TSHZ2: variants seen among roughly 807,000 people sequenced by gnomAD.
TSHZ2 encodes teashirt homolog 2.
A neutral mutation model predicts 74.4 loss-of-function variants in TSHZ2; 21 were observed. The observed-to-expected ratio is 0.28, with a 90% CI of 0.20 to 0.41. The LOEUF is 0.41. Ranked by LOEUF, TSHZ2 falls within the 10% of genes least tolerant of loss-of-function variation. The pLI is 1.00. For synonymous variants in TSHZ2, 540 were observed against 515.3 expected (o/e 1.05, Z -0.65); for missense variants, 1,244 against 1,293.5 (o/e 0.96, Z 0.59).
intron 1 of TSHZ2, among the ~76,000 whole-genome samples, chr20:52,998,233 A>G (rs1418300994): frequency 6.6e-6 from 1 of 152,000 alleles, no homozygotes; most frequent in East Asian, 1.9e-4. Flanking sequence ...CAATGGCGTG[A>G]TCTTGGCTCA....
At chr20:53,189,671 T>C (rs538464740) in intron 1 of TSHZ2, among the ~76,000 whole-genome samples, 1 of 152,326 alleles carries the variant, frequency 6.6e-6, no homozygotes, top group African/African-American at 2.4e-5. Flanking sequence ...CTGTCTCTCT[T>C]CTTCAGCTCT....
At chr20:53,008,856 A>G (rs1036342733) in intron 1 of TSHZ2, among the ~76,000 whole-genome samples, 1 of 152,156 alleles carries the variant, frequency 6.6e-6, no homozygotes, top group African/African-American at 2.4e-5. Context: ...TGTTTTTCCT[A>G]TACAAATATA....
intron 1 of TSHZ2, among the ~76,000 whole-genome samples, chr20:53,110,866 A>G (rs1986514800): frequency 6.6e-6 from 1 of 152,132 alleles, no homozygotes; most frequent in Non-Finnish European, 1.5e-5. Flanking sequence ...GTTCTGGAAG[A>G]TGCAGCTGAG....
chr20:53,023,835 T>C (rs1018427320), intron 1 of TSHZ2, among the ~76,000 whole-genome samples: 2 of 152,192 alleles, frequency 1.3e-5, no homozygotes, highest in Admixed American at 6.5e-5. Flanking sequence ...AACAAGCAAA[T>C]TGTCCACTGA....
At chr20:52,983,945 C>A (rs547089839) in intron 1 of TSHZ2, among the ~76,000 whole-genome samples, 1 of 152,212 alleles carries the variant, frequency 6.6e-6, no homozygotes, top group East Asian at 1.9e-4. Context: ...AGGCCCCAGG[C>A]GGCGAAGCTT....
At chr20:53,151,655 G>A (rs1035573475) in intron 1 of TSHZ2, among the ~76,000 whole-genome samples, 6 of 152,114 alleles carry the variant, frequency 3.9e-5, no homozygotes, top group African/African-American at 9.7e-5. Flanking sequence ...ATGAATCACA[G>A]AAAATAAGTT....
At chr20:53,018,870 T>C (rs2123025970) in intron 1 of TSHZ2, among the ~76,000 whole-genome samples, 1 of 152,356 alleles carries the variant, frequency 6.6e-6, no homozygotes, top group African/African-American at 2.4e-5. Context: ...ATCTTTCAAT[T>C]CGTTTTCTGG....
At chr20:53,145,957 G>T (rs1047641259) in intron 1 of TSHZ2, among the ~76,000 whole-genome samples, 2 of 152,114 alleles carry the variant, frequency 1.3e-5, no homozygotes, top group African/African-American at 4.8e-5. Flanking sequence ...AAGAGTTGGG[G>T]AAAATCATGT....
intron 1 of TSHZ2, among the ~76,000 whole-genome samples, chr20:53,009,842 G>A (rs1301346073): frequency 6.6e-6 from 1 of 152,080 alleles, no homozygotes; most frequent in Non-Finnish European, 1.5e-5. Context: ...ATGCAGTGAA[G>A]GGACTAGAAA....
chr20:53,132,269 C>T (rs1222084032), intron 1 of TSHZ2, among the ~76,000 whole-genome samples: 1 of 151,924 alleles, frequency 6.6e-6, no homozygotes, highest in African/African-American at 2.4e-5. Flanking sequence ...ACCCTTGAAT[C>T]CCCTGCTCCC....
intron 1 of TSHZ2, among the ~76,000 whole-genome samples, chr20:53,056,199 A>G (rs1984634470): frequency 6.6e-6 from 1 of 152,194 alleles, no homozygotes; most frequent in South Asian, 2.1e-4. Flanking sequence ...TTCTTATAGC[A>G]GAGAGGGCTC....
chr20:53,007,577 A>G (rs1982688055), intron 1 of TSHZ2, among the ~76,000 whole-genome samples: 1 of 152,066 alleles, frequency 6.6e-6, no homozygotes, highest in Non-Finnish European at 1.5e-5. Context: ...CAGGGGAATG[A>G]TAAGAGTCAT....
intron 1 of TSHZ2, among the ~76,000 whole-genome samples, chr20:53,242,027 C>T (rs903337933): frequency 2.0e-5 from 3 of 152,130 alleles, no homozygotes; most frequent in African/African-American, 7.2e-5. Flanking sequence ...ATAGAGTGTT[C>T]TTCTCTGTGC....
At chr20:53,191,639 G>C (rs1221667111) in intron 1 of TSHZ2, among the ~76,000 whole-genome samples, 3 of 152,174 alleles carry the variant, frequency 2.0e-5, no homozygotes, top group Non-Finnish European at 2.9e-5. Flanking sequence ...CTCCAGCCTG[G>C]GTGACAGAGC....
chr20:53,102,389 A>G (rs1307838463), intron 1 of TSHZ2, among the ~76,000 whole-genome samples: 1 of 150,596 alleles, frequency 6.6e-6, no homozygotes, highest in East Asian at 2.0e-4. Flanking sequence ...ACCCAGTTTG[A>G]GTTTAACGAA....
intron 1 of TSHZ2, among the ~76,000 whole-genome samples, chr20:53,070,558 G>A (rs926214881): frequency 6.6e-6 from 1 of 152,122 alleles, no homozygotes; most frequent in Non-Finnish European, 1.5e-5. Flanking sequence ...TTGGGGTCAG[G>A]CCTCTGCGAA....
chr20:53,029,850 T>G (rs567750241), intron 1 of TSHZ2, among the ~76,000 whole-genome samples: 97 of 128,492 alleles, frequency 7.5e-4, no homozygotes, highest in African/African-American at 3.0e-3. Flanking sequence ...TTCTAGAAAT[T>G]TGGAGTTTTT....
intron 1 of TSHZ2, among the ~76,000 whole-genome samples, chr20:52,995,669 G>A (rs1982159968): frequency 6.7e-6 from 1 of 148,864 alleles, no homozygotes; most frequent in Non-Finnish European, 1.5e-5. Flanking sequence ...CTGGAGTGCA[G>A]TGGTGCAATC....
chr20:53,214,418 A>G (rs1031276830), intron 1 of TSHZ2, among the ~76,000 whole-genome samples: 2 of 152,194 alleles, frequency 1.3e-5, no homozygotes, highest in South Asian at 2.1e-4. Flanking sequence ...AGGGGCTTTT[A>G]AGAAGACAGT....
Sources: gnomAD v4.1 joint callset for allele counts (sites outside exome capture counted in the v4.1 genomes callset) on GRCh38, gnomAD v4.1.1 for gene constraint, MANE v1.5 for transcripts, NCBI Gene and HGNC (gene_info 2026-07-23, HGNC 2026-07-21) for gene names.